Variants in TRA2A observed in about 807,000 individuals in gnomAD.
TRA2A encodes the protein transformer 2 alpha homolog, also known as transformer-2 protein homolog alpha.
In TRA2A, 31 loss-of-function variants were observed where a neutral mutation model predicts 45.7. The ratio of observed to expected loss-of-function variants is 0.68; its 90% CI spans 0.51 to 0.92. The LOEUF (loss-of-function observed/expected upper bound fraction) is 0.92, where lower values mean the gene tolerates loss of function less well. Ranked by LOEUF, TRA2A falls within the 40% of genes least tolerant of loss-of-function variation. TRA2A has a pLI of 0.00. For synonymous variants in TRA2A, 132 were observed against 126.2 expected (o/e 1.05, Z -0.31); for missense variants, 304 against 367.5 (o/e 0.83, Z 1.41).
rs1421171878 is a variant in TRA2A, at chr7:23,506,857, G to A, written c.641+563C>T. ...GTGGTGCGATCTCGGCTCACTGCAA[G>A]CCCTGCCTCCGGGGTTCATGCCATT... On this transcript the variant is annotated intron_variant, in intron 5 of 7. Transcript: ENST00000297071. Among the ~76,000 whole-genome samples the A allele has an allele frequency of 8.5e-5, 13 of 152,200 alleles. No homozygotes were observed. In the East Asian group the frequency reaches 2.5e-3, roughly 29 times the overall value.
chr7:23,513,749 T>C (rs1789733872), intron 3 of TRA2A, among the ~76,000 whole-genome samples: 1 of 152,076 alleles, frequency 6.6e-6, no homozygotes, highest in African/African-American at 2.4e-5. Flanking sequence ...GGAGACAGGG[T>C]CATTTATAAT....
intron 2 of TRA2A, 41 bp from the exon 3 acceptor site, chr7:23,516,569 A>C (rs1484583000): frequency 2.5e-6 from 4 of 1,591,032 alleles, no homozygotes; most frequent in Non-Finnish European, 1.7e-6. Context: ...CTGAAACAAA[A>C]TGGCTAAAGT....
intron 1 of TRA2A, among the ~76,000 whole-genome samples, chr7:23,527,053 A>G (rs1790368543): frequency 6.6e-6 from 1 of 152,166 alleles, no homozygotes; most frequent in South Asian, 2.1e-4. Flanking sequence ...TCAAAAAACT[A>G]ATGTATAAGT....
intron 2 of TRA2A, among the ~76,000 whole-genome samples, chr7:23,517,963 A>T (rs951380380): frequency 5.4e-5 from 8 of 149,282 alleles, no homozygotes; most frequent in Non-Finnish European, 8.9e-5. Context: ...TACTTTCTCC[A>T]TATAGTTCTT....
At chr7:23,506,518 T>C (rs1789346282) in intron 5 of TRA2A, 1 of 421,408 alleles carries the variant, frequency 2.4e-6, no homozygotes, top group African/African-American at 2.0e-5. Flanking sequence ...CTGCCCAAAT[T>C]AAAATCTTTT....
chr7:23,524,579 T>C (rs1347333160), intron 1 of TRA2A, among the ~76,000 whole-genome samples: 2 of 152,198 alleles, frequency 1.3e-5, no homozygotes, highest in African/African-American at 4.8e-5. Flanking sequence ...TTTCTTTTTA[T>C]CTCAGAGGAA....
intron 2 of TRA2A, among the ~76,000 whole-genome samples, chr7:23,518,870 A>C (rs1477572456): frequency 2.0e-5 from 3 of 151,662 alleles, no homozygotes; most frequent in Non-Finnish European, 4.4e-5. Flanking sequence ...TATTTTTAGT[A>C]GAGACGGGGT....
chr7:23,516,777 CA>C (rs139559008), intron 2 of TRA2A, among the ~76,000 whole-genome samples: 2,674 of 145,654 alleles, frequency 0.018, 87 homozygotes, highest in African/African-American at 0.064. Context: ...TTTTAAAAAA[CA>C]AAAAAAAAAC....
chr7:23,528,692 G>C (rs1164085807), intron 1 of TRA2A, among the ~76,000 whole-genome samples: 1 of 149,532 alleles, frequency 6.7e-6, no homozygotes, highest in Non-Finnish European at 1.5e-5. Flanking sequence ...TTTCGAGACA[G>C]AGTCTTGCTC....
Position 23,513,012 on chromosome 7 carries a change from C to T in TRA2A, c.407G>A (p.Arg136His), listed in dbSNP as rs1287676056. The change falls in exon 4 of 8, where the codon CGT becomes CAT. Residue 136 changes from arginine (R) to histidine (H), a missense_variant. Arg to His is a conservative substitution (Grantham distance 29). Transcript: ENST00000297071. ...TGGTCCATATCGAGAAAATACTTCA[C>T]GAAGATCCCTCTCTGTTGTGTACAA... ...LSLYTTERDL[R>H]EVFSRYGPLS... 4.3e-6 allele frequency: 7 copies of T among 1,614,012 alleles called. No homozygotes were observed. Among genetic ancestry groups the T allele is most frequent in the South Asian group, 1.1e-5 (1 of 91,078 alleles).
intron 4 of TRA2A, among the ~76,000 whole-genome samples, chr7:23,508,436 T>G (rs1328288792): frequency 6.6e-6 from 1 of 152,134 alleles, no homozygotes; most frequent in Non-Finnish European, 1.5e-5. Context: ...CTCGGCTAAT[T>G]AAAACAAAAA....
intron 1 of TRA2A, 188 bp from the exon 2 acceptor site, chr7:23,522,028 T>C: frequency 7.1e-7 from 1 of 1,398,880 alleles, no homozygotes. Context: ...AATAATTCCC[T>C]ACTTGAACCA....
chr7:23,526,810 G>A (rs183917736), intron 1 of TRA2A, among the ~76,000 whole-genome samples: 1 of 152,098 alleles, frequency 6.6e-6, no homozygotes, highest in Admixed American at 6.5e-5. Context: ...TGAAGTCAAT[G>A]TGGTCTTTAT....
At chr7:23,530,832 C>G (rs190502309) in intron 1 of TRA2A, among the ~76,000 whole-genome samples, 17 of 151,918 alleles carry the variant, frequency 1.1e-4, no homozygotes, top group Admixed American at 2.0e-4. Context: ...AGTTACAGAA[C>G]AGTATATACT....
At chr7:23,514,651 C>A (rs1392108084) in intron 3 of TRA2A, among the ~76,000 whole-genome samples, 1 of 151,922 alleles carries the variant, frequency 6.6e-6, no homozygotes, top group Non-Finnish European at 1.5e-5. Flanking sequence ...CTGGAGTTTA[C>A]TGGCCTGATC....
Position 23,516,414 on chromosome 7 carries a change from C to T in TRA2A, c.285G>A (p.Arg95=). The change falls in exon 3 of 8, where the codon AGG becomes AGA. Residue 95 remains arginine, a synonymous_variant. Transcript: ENST00000297071. The part of the protein sequence containing the change: ...RSYTPEYRRR[R]SRSHSPMSNR... ...TAGACATTGGAGAATGGCTTCGGCT[C>T]CTTCGCCGCCGGTATTCTGGTGTAT... 6.2e-7 allele frequency: 1 copy of T among 1,614,214 alleles called. No homozygotes were observed.
intron 4 of TRA2A, among the ~76,000 whole-genome samples, chr7:23,508,225 T>C (rs1042013656): frequency 5.4e-5 from 8 of 149,458 alleles, no homozygotes; most frequent in Non-Finnish European, 1.2e-4. Flanking sequence ...ACAATTTTTA[T>C]GTATCCACAA....
chr7:23,520,786 G>A (rs781358221), intron 2 of TRA2A, among the ~76,000 whole-genome samples: 5 of 151,278 alleles, frequency 3.3e-5, no homozygotes, highest in Non-Finnish European at 7.4e-5. Flanking sequence ...TCCGCCTCCT[G>A]GGTTCAAGCG....
chr7:23,531,505 T>C (rs1790581612), intron 1 of TRA2A: 2 of 543,426 alleles, frequency 3.7e-6, no homozygotes, highest in Non-Finnish European at 6.5e-6. Flanking sequence ...TAAGGAAGCC[T>C]CAGGGGTGGG....
Sources: allele counts gnomAD v4.1 joint callset (sites outside exome capture counted in the v4.1 genomes callset), GRCh38; gene constraint gnomAD v4.1.1; transcripts MANE v1.5; gene names NCBI Gene and HGNC (gene_info 2026-07-23, HGNC 2026-07-21).